AKAP9: variants seen among roughly 807,000 people sequenced by gnomAD.
The protein encoded by AKAP9 is A-kinase anchoring protein 9, also known as A-kinase anchor protein 9.
In AKAP9, 311 loss-of-function variants were observed where a neutral mutation model predicts 488.5. The ratio of observed to expected loss-of-function variants is 0.64; its 90% CI spans 0.58 to 0.70. AKAP9 has a LOEUF of 0.70. AKAP9 is among the 30% of genes least tolerant of loss of function. AKAP9 has a pLI of 0.00. For missense variants in AKAP9, 4,215 were observed against 4,374.5 expected, an observed-to-expected ratio of 0.96 and a Z score of 1.03; for synonymous variants, 1,462 against 1,483.5, an observed-to-expected ratio of 0.99 and a Z score of 0.33.
intron 22 of AKAP9, among the ~76,000 whole-genome samples, chr7:92,054,169 G>T (rs1246403968): frequency 6.6e-6 from 1 of 152,060 alleles, no homozygotes; most frequent in Non-Finnish European, 1.5e-5. Flanking sequence ...TAAAGCCATT[G>T]ATTTCTTCAG....
At chr7:92,048,626 G>T (rs944514538) in intron 21 of AKAP9, among the ~76,000 whole-genome samples, 1 of 152,172 alleles carries the variant, frequency 6.6e-6, no homozygotes, top group African/African-American at 2.4e-5. Context: ...AATGCTAGGG[G>T]CTGAGAGTCA....
chr7:92,098,365 C>T (rs1816977261), intron 43 of AKAP9, 151 bp downstream of exon 43: 1 of 556,892 alleles, frequency 1.8e-6, no homozygotes, highest in Admixed American at 3.2e-5. Context: ...ATAATGCTTG[C>T]TTTCCCCCAA....
At chr7:92,105,995 G>C (rs1818456335) in intron 47 of AKAP9, among the ~76,000 whole-genome samples, 1 of 152,234 alleles carries the variant, frequency 6.6e-6, no homozygotes. Flanking sequence ...AGGAATCTAG[G>C]TTGTGTGCTC....
chr7:92,066,374 C>T, intron 25 of AKAP9, 53 bp from the exon 26 acceptor site: 2 of 1,601,990 alleles, frequency 1.2e-6, no homozygotes. Context: ...GAAATAATAG[C>T]TTCTCTAAAT....
Position 92,065,443 on chromosome 7 carries a change from A to G in AKAP9, c.6190A>G (p.Lys2064Glu). Residue 2064 changes from lysine to glutamate, a missense_variant, in exon 25 of 50, where the codon AAA becomes GAA. Physicochemically the swap from Lys to Glu is moderately conservative, Grantham distance 56. This residue lies in a region of AKAP9 where 2,361 missense variants were observed against 2,430.0 expected (regional missense o/e 0.97). Transcript: ENST00000356239. ...QNQALEKQLE[K>E]MRKFLDEQAI... ...CCAAGCATTGGAAAAGCAGTTAGAAAAAATGAGAAAATTTTTAGATGTAAG... is the reference window on the plus strand; with the variant it reads ...CCAAGCATTGGAAAAGCAGTTAGAAGAAATGAGAAAATTTTTAGATGTAAG... 1 of 1,611,782 alleles carries G rather than the reference A, an allele frequency of 6.2e-7. No individual in the cohort carries two copies. Among genetic ancestry groups the G allele is most frequent in the Non-Finnish European group, 8.5e-7 (1 of 1,178,648 alleles).
intron 1 of AKAP9, among the ~76,000 whole-genome samples, chr7:91,966,173 T>G (rs934482704): frequency 1.3e-5 from 2 of 152,190 alleles, no homozygotes; most frequent in Middle Eastern, 3.2e-3. Context: ...CTTACAGGTT[T>G]GAGCCACCAC....
Position 91,995,791 on chromosome 7 carries a change from A to G in AKAP9, c.921A>G (p.Val307=), listed in dbSNP as rs779875064. 22 of 1,602,570 alleles carry G rather than the reference A, an allele frequency of 1.4e-5. 1 individual carries two copies. The highest frequency in any genetic ancestry group is 2.7e-5 in the African/African-American group (2 of 74,654). The change falls in exon 7 of 50, where the codon GTA becomes GTG. Residue 307 remains valine (V), a synonymous_variant. Coordinates refer to ENST00000356239, the MANE Select transcript of AKAP9 (RefSeq NM_005751.5). The part of the protein sequence containing the change: ...QISFLQEKIK[V]YEMEQDKKVE... ...GTTTCTTGCAAGAGAAAATTAAAGT[A>G]TATGAAATGGTATGTTTATTTTAAG... is the stretch of plus-strand genomic sequence containing the variant.
chr7:92,019,743 C>T (rs532802893), intron 12 of AKAP9, among the ~76,000 whole-genome samples: 51 of 151,962 alleles, frequency 3.4e-4, no homozygotes, highest in African/African-American at 1.2e-3. Flanking sequence ...CATGGTGGCT[C>T]ATACCTGCAA....
chr7:91,998,810 G>A lies in AKAP9; in HGVS notation c.931-2038G>A, dbSNP rs371254657. Among the ~76,000 whole-genome samples, 17 of 151,810 alleles carry A rather than the reference G, an allele frequency of 1.1e-4. No homozygotes were observed. The South Asian group carries it at 1.7e-3, about 15-fold the overall frequency. On this transcript the variant is annotated intron_variant, in intron 7 of 49. Coordinates refer to ENST00000356239, the MANE Select transcript of AKAP9 (RefSeq NM_005751.5). ...TCTAGTATGTAAATATATTACACTC[G>A]TATATATTAATAGTACAGTAAGAAT... is the stretch of plus-strand genomic sequence containing the variant.
chr7:92,071,101 G>A (rs1811658822), intron 28 of AKAP9, 92 bp downstream of exon 28: 2 of 1,235,740 alleles, frequency 1.6e-6, no homozygotes, highest in Non-Finnish European at 2.4e-6. Context: ...TGTAGTTTAT[G>A]ATCTAAAACC....
intron 35 of AKAP9, 98 bp downstream of exon 35, chr7:92,085,038 A>G: frequency 1.4e-6 from 2 of 1,381,824 alleles, no homozygotes; most frequent in Non-Finnish European, 2.0e-6. Context: ...TCATTTCTGA[A>G]GAGAGAATTG....
chr7:92,022,916 A>T lies in AKAP9; in HGVS notation c.4055A>T (p.Gln1352Leu), dbSNP rs878854807. The T allele has an allele frequency of 1.2e-6, 2 of 1,613,914 alleles. No individual in the cohort carries two copies. The highest frequency in any genetic ancestry group is 4.5e-5 in the East Asian group (2 of 44,852). The change falls in exon 14 of 50, where the codon CAA becomes CTA. Residue 1352 changes from glutamine to leucine, a missense_variant. Around this residue, in one of 5 missense-constraint regions of AKAP9, gnomAD observed 2,361 missense variants for 2,430.0 expected, o/e 0.97. Coordinates refer to ENST00000356239, the MANE Select transcript of AKAP9 (RefSeq NM_005751.5). Reference protein sequence around the residue: ...ELESLISSLQQQLKETEQNYE... With the variant: ...ELESLISSLQLQLKETEQNYE... ...GAAAGCCTCATATCCTCTTTGCAGC[A>T]ACAGTTGAAAGAAACTGAACAAAAC...
intron 40 of AKAP9, among the ~76,000 whole-genome samples, chr7:92,096,076 G>A (rs1380170799): frequency 1.3e-5 from 2 of 151,950 alleles, no homozygotes; most frequent in Non-Finnish European, 2.9e-5. Flanking sequence ...TTATCAAAAC[G>A]TAAGATCTCC....
rs369069056 is a variant in AKAP9 at position 91,944,639 on chromosome 7, G to A, written c.48+3492G>A. 5.9e-4 allele frequency among the ~76,000 whole-genome samples: 89 copies of A among 152,038 alleles called. 1 individual carries two copies. Among genetic ancestry groups the A allele is most frequent in the African/African-American group, 2.0e-3 (83 of 41,454 alleles). ...TGCCGTTAAGTGATCTGCCTGCCTC[G>A]ACCTCCCAAAGTGCTGGGATTACAG... On this transcript the variant is annotated intron_variant, in intron 1 of 49. Transcript: ENST00000356239.
chr7:92,014,273 T>A lies in AKAP9; in HGVS notation c.3557T>A (p.Leu1186Gln). The change falls in exon 10 of 50, where the codon CTG (leucine) becomes CAG (glutamine). Residue 1186 changes from leucine to glutamine, a missense_variant. Physicochemically the swap from Leu to Gln is moderately radical, Grantham distance 113. Around this residue, in one of 5 missense-constraint regions of AKAP9, gnomAD observed 2,361 missense variants for 2,430.0 expected, o/e 0.97. Coordinates refer to ENST00000356239, the MANE Select transcript of AKAP9 (RefSeq NM_005751.5). ...ETGDEGKPLH[L>Q]LIGKLQKAVS... ...GGTGATGAAGGAAAGCCTTTACATC[T>A]GCTCATTGGAAAACTTCAAAAGGCA... 1 of 1,613,310 alleles carries A rather than the reference T, an allele frequency of 6.2e-7. No individual in the cohort carries two copies.
chr7:92,097,908 G>A, intron 42 of AKAP9, 114 bp downstream of exon 42: 1 of 1,048,310 alleles, frequency 9.5e-7, no homozygotes, highest in East Asian at 2.5e-5. Flanking sequence ...GGTAATGCGT[G>A]TTTACATTAG....
rs188308359 is a variant in AKAP9, at chr7:92,010,528, C to T, written c.3319-1901C>T. Among the ~76,000 whole-genome samples the T allele has an allele frequency of 4.9e-3, 739 of 152,304 alleles. 1 individual carries two copies. The highest frequency in any genetic ancestry group is 0.034 in the Middle Eastern group (10 of 294). On this transcript the variant is annotated intron_variant, in intron 8 of 49. Coordinates refer to ENST00000356239, the MANE Select transcript of AKAP9 (RefSeq NM_005751.5). ...TTCACTGAATACTGGTGTCTGAGTA[C>T]GTTATTCATCTGTTATGCAGCCTGA... is the stretch of plus-strand genomic sequence containing the variant.
intron 42 of AKAP9, 122 bp downstream of exon 42, chr7:92,097,916 T>A: frequency 2.0e-6 from 2 of 992,696 alleles, no homozygotes; most frequent in South Asian, 1.3e-5. Flanking sequence ...GTGTTTACAT[T>A]AGGAGGTGAT....
Position 92,071,017 on chromosome 7 carries a change from G to A in AKAP9, c.6612+8G>A. The A allele has an allele frequency of 6.3e-7, 1 of 1,591,364 alleles. No individual in the cohort carries two copies. The highest frequency in any genetic ancestry group is 8.6e-7 in the Non-Finnish European group (1 of 1,159,414). ...GACAGAAAGGAAAAAGAGGTAAGGA[G>A]TTTATTTTTAAATGACACAGCGTGG... On this transcript the variant is annotated splice_region_variant and intron_variant, in intron 28 of 49. Transcript: ENST00000356239.
Sources: gnomAD v4.1 joint callset for allele counts (sites outside exome capture counted in the v4.1 genomes callset) on GRCh38, gnomAD v4.1.1 for gene constraint, gnomAD v4.1.1 regional missense constraint, MANE v1.5 for transcripts, NCBI Gene and HGNC (gene_info 2026-07-23, HGNC 2026-07-21) for gene names.